GUCY1A2: variants seen among roughly 807,000 people sequenced by gnomAD.
GUCY1A2 encodes the protein guanylate cyclase 1 soluble subunit alpha 2.
Under a neutral mutation model 63.5 loss-of-function variants are expected in GUCY1A2, and 27 were observed. That is an observed-to-expected ratio of 0.43 (90% confidence interval 0.31 to 0.59). The LOEUF (loss-of-function observed/expected upper bound fraction) is 0.59. Among genes scored for constraint, GUCY1A2 ranks in the 20% least tolerant of loss-of-function variants. The probability of loss-of-function intolerance (pLI) is 0.11; values close to 1 mark genes in which losing one functional copy is unlikely to be tolerated. For missense variants in GUCY1A2, 768 were observed against 913.3 expected (o/e 0.84, Z 2.05); for synonymous variants, 364 against 343.5 (o/e 1.06, Z -0.66).
chr11:106,859,300 G>GA (rs147347955), intron 4 of GUCY1A2, among the ~76,000 whole-genome samples: 46,027 of 151,586 alleles, frequency 0.3, 7,302 homozygotes, highest in Non-Finnish European at 0.34. Context: ...GAACTTCCCT[G>GA]AAAAAACAGT....
intron 7 of GUCY1A2, among the ~76,000 whole-genome samples, chr11:106,699,560 A>C (rs566374406): frequency 6.6e-6 from 1 of 152,266 alleles, no homozygotes; most frequent in African/African-American, 2.4e-5. Flanking sequence ...ATACCAGATT[A>C]ATGCCTTTAA....
intron 6 of GUCY1A2, among the ~76,000 whole-genome samples, chr11:106,748,545 G>C (rs1863830035): frequency 6.6e-6 from 1 of 152,278 alleles, no homozygotes; most frequent in African/African-American, 2.4e-5. Context: ...GGAGCTAGAT[G>C]TTCTTTATCC....
At chr11:106,849,025 G>A (rs575183098) in intron 4 of GUCY1A2, among the ~76,000 whole-genome samples, 5 of 151,580 alleles carry the variant, frequency 3.3e-5, no homozygotes, top group Admixed American at 1.3e-4. Flanking sequence ...GCTACTAACT[G>A]ATGAGCCCTG....
At chr11:106,795,287 C>G (rs1246699155) in intron 5 of GUCY1A2, among the ~76,000 whole-genome samples, 1 of 152,096 alleles carries the variant, frequency 6.6e-6, no homozygotes, top group Non-Finnish European at 1.5e-5. Context: ...TCTCTCTGAT[C>G]GTCAAAGGAC....
chr11:106,960,948 A>G (rs1861050671), intron 3 of GUCY1A2, among the ~76,000 whole-genome samples: 1 of 152,138 alleles, frequency 6.6e-6, no homozygotes, highest in Non-Finnish European at 1.5e-5. Flanking sequence ...ATTAGTGAAA[A>G]TCCAAACCTT....
intron 4 of GUCY1A2, among the ~76,000 whole-genome samples, chr11:106,840,400 G>A (rs1031408808): frequency 1.3e-5 from 2 of 151,904 alleles, no homozygotes; most frequent in Non-Finnish European, 2.9e-5. Context: ...CTGCATAAAC[G>A]CTTCTAGCTC....
intron 6 of GUCY1A2, among the ~76,000 whole-genome samples, chr11:106,775,210 G>A (rs1277185477): frequency 2.0e-5 from 3 of 151,984 alleles, no homozygotes; most frequent in East Asian, 3.8e-4. Context: ...AGAATTTTTT[G>A]TGAACTGGTC....
chr11:106,986,390 C>T (rs1038142471), intron 1 of GUCY1A2, among the ~76,000 whole-genome samples: 1 of 152,106 alleles, frequency 6.6e-6, no homozygotes, highest in Admixed American at 6.6e-5. Flanking sequence ...TTTGTAACAG[C>T]TATTAAGTTC....
intron 6 of GUCY1A2, among the ~76,000 whole-genome samples, chr11:106,731,273 TA>T (rs749578057): frequency 3.9e-5 from 6 of 152,078 alleles, no homozygotes; most frequent in Non-Finnish European, 8.8e-5. Context: ...TAAAGAGAAC[TA>T]AAAACAAAAA....
At chr11:107,000,789 A>AGAGAGAGTCTT (rs1481381182) in intron 1 of GUCY1A2, among the ~76,000 whole-genome samples, 1 of 152,204 alleles carries the variant, frequency 6.6e-6, no homozygotes, top group Non-Finnish European at 1.5e-5. Flanking sequence ...TTTAGAAAAT[A>AGAGAGAGTCTT]ACAAACTCCT....
intron 5 of GUCY1A2, among the ~76,000 whole-genome samples, chr11:106,802,666 A>T (rs1268081257): frequency 1.3e-5 from 2 of 152,148 alleles, no homozygotes; most frequent in East Asian, 3.8e-4. Flanking sequence ...CAAGATCAAG[A>T]TGCCAGCCAA....
At chr11:106,799,198 A>G (rs1211743648) in intron 5 of GUCY1A2, among the ~76,000 whole-genome samples, 1 of 152,202 alleles carries the variant, frequency 6.6e-6, no homozygotes, top group East Asian at 1.9e-4. Context: ...AGGGATATGA[A>G]GGACCTCTTG....
intron 3 of GUCY1A2, among the ~76,000 whole-genome samples, chr11:106,955,559 T>C (rs1860972847): frequency 6.6e-6 from 1 of 152,194 alleles, no homozygotes; most frequent in Admixed American, 6.5e-5. Context: ...CCTTTGCTTA[T>C]GAAGCTCAGT....
At chr11:106,778,741 T>C (rs1351384922) in intron 5 of GUCY1A2, among the ~76,000 whole-genome samples, 7 of 152,212 alleles carry the variant, frequency 4.6e-5, no homozygotes, top group Non-Finnish European at 1.5e-5. Context: ...AATATAGCTA[T>C]TTATTAAATA....
At chr11:106,722,625 T>G (rs890719464) in intron 6 of GUCY1A2, among the ~76,000 whole-genome samples, 1 of 152,090 alleles carries the variant, frequency 6.6e-6, no homozygotes, top group Non-Finnish European at 1.5e-5. Context: ...AAGAAAGCTC[T>G]GAAGTTTGAA....
At chr11:106,994,177 A>G (rs1861506257) in intron 1 of GUCY1A2, among the ~76,000 whole-genome samples, 1 of 152,206 alleles carries the variant, frequency 6.6e-6, no homozygotes, top group African/African-American at 2.4e-5. Flanking sequence ...TATTAGAAGT[A>G]TGCTCTAATA....
At chr11:106,827,227 C>T in intron 4 of GUCY1A2, 1 of 1,535,710 alleles carries the variant, frequency 6.5e-7, no homozygotes, top group South Asian at 1.1e-5. Flanking sequence ...AGATTTGCTT[C>T]TAGCTTCCTT....
intron 6 of GUCY1A2, among the ~76,000 whole-genome samples, chr11:106,722,626 G>C (rs1216443775): frequency 2.0e-5 from 3 of 152,010 alleles, no homozygotes; most frequent in East Asian, 1.9e-4. Context: ...AGAAAGCTCT[G>C]AAGTTTGAAA....
Position 106,674,240 on chromosome 11 carries a change from AT to A in GUCY1A2, c.*13308del. On this transcript the variant is annotated 3_prime_UTR_variant, in exon 8 of 8. Transcript: ENST00000526355. ...TTCTGCAGTCTGTAAATGCAAAGAC[AT>A]TTTACATCATGAAACATGCTATTTA... 5.4e-6 allele frequency: 1 copy of A among 185,162 alleles called. No homozygotes were observed. 11.5% of individuals were successfully genotyped at this position (185,162 alleles called of 1,614,324 possible).
Sources: gnomAD v4.1 joint callset for allele counts (sites outside exome capture counted in the v4.1 genomes callset) on GRCh38, gnomAD v4.1.1 for gene constraint, MANE v1.5 for transcripts, NCBI Gene and HGNC (gene_info 2026-07-23, HGNC 2026-07-21) for gene names.